The following DAPK2 variants were observed in gnomAD, a reference collection of about 807,000 sequenced individuals.
DAPK2 encodes death-associated protein kinase 2.
A neutral mutation model predicts 44.1 loss-of-function variants in DAPK2; 35 were observed. That is an observed-to-expected ratio of 0.79 (90% CI 0.61 to 1.05). The LOEUF (loss-of-function observed/expected upper bound fraction) is 1.05, where lower values mean the gene tolerates loss of function less well. Ranked by LOEUF, DAPK2 falls within the 50% of genes least tolerant of loss-of-function variation. DAPK2 has a pLI of 0.00. For synonymous variants in DAPK2, 174 were observed against 182.6 expected (o/e 0.95, Z 0.38); for missense variants, 453 against 483.2 (o/e 0.94, Z 0.59).
chr15:64,000,391 C>G (rs540215293), intron 1 of DAPK2, among the ~76,000 whole-genome samples: 1 of 152,130 alleles, frequency 6.6e-6, no homozygotes, highest in East Asian at 1.9e-4. Flanking sequence ...GTCCCCACAC[C>G]CAGACTCCTG....
intron 1 of DAPK2, among the ~76,000 whole-genome samples, chr15:64,023,453 A>C (rs1359613121): frequency 6.6e-6 from 1 of 152,204 alleles, no homozygotes; most frequent in African/African-American, 2.4e-5. Context: ...TCCCAGCAGG[A>C]GTCTAACATG....
At chr15:64,044,548 C>G (rs2080416917), upstream of DAPK2, among the ~76,000 whole-genome samples, 2 of 152,146 alleles carry the variant, frequency 1.3e-5, no homozygotes, top group Admixed American at 1.3e-4. Context: ...AAGGGACTCA[C>G]TGAGCATCAT....
At chr15:63,969,912 C>G (rs1388113440) in intron 3 of DAPK2, among the ~76,000 whole-genome samples, 1 of 152,172 alleles carries the variant, frequency 6.6e-6, no homozygotes, top group Non-Finnish European at 1.5e-5. Context: ...ATGCCAGACC[C>G]TCTCTGGGCC....
intron 4 of DAPK2, among the ~76,000 whole-genome samples, chr15:63,936,430 G>A (rs2077151630): frequency 6.6e-6 from 1 of 152,174 alleles, no homozygotes; most frequent in Admixed American, 6.5e-5. Flanking sequence ...GGCCAACATG[G>A]TGAAACCCTG....
At chr15:63,921,766 G>C (rs938250954) in intron 8 of DAPK2, 85 of 152,344 alleles carry the variant, frequency 5.6e-4, no homozygotes, top group African/African-American at 1.9e-3. Context: ...CACAGAGTTG[G>C]GGCCGTTAGC....
chr15:64,040,600 G>T (rs1030196750), upstream of DAPK2, among the ~76,000 whole-genome samples: 2 of 151,968 alleles, frequency 1.3e-5, no homozygotes, highest in Non-Finnish European at 2.9e-5. Context: ...GCAAAAAGAG[G>T]CAGCTGTTGT....
chr15:64,026,001 A>T (rs2079831653), intron 1 of DAPK2, among the ~76,000 whole-genome samples: 1 of 152,180 alleles, frequency 6.6e-6, no homozygotes, highest in Non-Finnish European at 1.5e-5. Context: ...GTAGGGCTAT[A>T]GTTTTCTGTG....
intron 1 of DAPK2, among the ~76,000 whole-genome samples, chr15:64,008,526 A>G (rs1220046010): frequency 6.6e-6 from 1 of 152,234 alleles, no homozygotes; most frequent in Non-Finnish European, 1.5e-5. Flanking sequence ...AGACAAGAAA[A>G]AGCTGGAAAC....
intron 1 of DAPK2, among the ~76,000 whole-genome samples, chr15:64,006,887 G>C (rs2140998221): frequency 6.6e-6 from 1 of 152,250 alleles, no homozygotes; most frequent in South Asian, 2.1e-4. Context: ...AGCCAAGAAG[G>C]AAGTAGACAT....
At position 63,908,614 on chromosome 15, in the gene DAPK2, A is replaced by G; in HGVS notation, c.1033-14T>C. ...CTCACAGTTCCTCTGGAGAAAAAAA[A>G]GAGAAAGAGGTCCAGGGCAGGAGGA... On this transcript the variant is annotated splice_polypyrimidine_tract_variant and intron_variant, in intron 10 of 10. Coordinates refer to ENST00000261891, the Ensembl canonical transcript of DAPK2. This position sits in a 1 kb window ranked among gnomAD's most constrained non-coding sequence, Gnocchi z 5.7. 1 of 1,583,362 alleles carries G rather than the reference A, an allele frequency of 6.3e-7. No homozygotes were observed. The highest frequency in any genetic ancestry group is 8.6e-7 in the Non-Finnish European group (1 of 1,167,136).
chr15:63,993,913 G>A (rs150634053), intron 1 of DAPK2, among the ~76,000 whole-genome samples: 4 of 152,020 alleles, frequency 2.6e-5, no homozygotes, highest in Admixed American at 6.6e-5. Context: ...AGACACACAC[G>A]GTGGTTTCTG....
chr15:63,944,690 G>A (rs1363424923), intron 3 of DAPK2, among the ~76,000 whole-genome samples: 3 of 152,146 alleles, frequency 2.0e-5, no homozygotes, highest in African/African-American at 7.2e-5. Context: ...AATCAGTGGG[G>A]AGCAGTGGGG....
chr15:63,954,008 T>A (rs1381441543), intron 3 of DAPK2, among the ~76,000 whole-genome samples: 1 of 152,206 alleles, frequency 6.6e-6, no homozygotes, highest in South Asian at 2.1e-4. Context: ...GATTATTAGA[T>A]TTTTTTCCTA....
At chr15:64,044,819 G>A (rs1295715227), upstream of DAPK2, among the ~76,000 whole-genome samples, 1 of 152,170 alleles carries the variant, frequency 6.6e-6, no homozygotes, top group Non-Finnish European at 1.5e-5. Flanking sequence ...AGTGAAACGG[G>A]ACCACAGCAA....
chr15:64,024,821 C>G (rs972056348), intron 1 of DAPK2, among the ~76,000 whole-genome samples: 1 of 152,194 alleles, frequency 6.6e-6, no homozygotes, highest in African/African-American at 2.4e-5. Context: ...CCCCAGGGTG[C>G]TAAATAAACC....
At chr15:63,959,997 GT>G (rs1454477996) in intron 3 of DAPK2, among the ~76,000 whole-genome samples, 2 of 152,134 alleles carry the variant, frequency 1.3e-5, no homozygotes, top group African/African-American at 4.8e-5. Flanking sequence ...ACATTTTTTG[GT>G]TGGTAGGCTA....
intron 3 of DAPK2, among the ~76,000 whole-genome samples, chr15:63,952,010 C>A (rs894599599): frequency 6.6e-6 from 1 of 152,106 alleles, no homozygotes; most frequent in East Asian, 1.9e-4. Context: ...TAGGCTGAGG[C>A]GGGCGGATCA....
chr15:63,979,765 A>T (rs1342401992), intron 2 of DAPK2, among the ~76,000 whole-genome samples: 1 of 152,026 alleles, frequency 6.6e-6, no homozygotes, highest in Non-Finnish European at 1.5e-5. Flanking sequence ...ATACAAAAAA[A>T]ATTAGCCAGG....
At position 63,966,927 on chromosome 15, in the gene DAPK2, T is replaced by G. The variant is rs1334863138; in HGVS notation, c.453+4496A>C. ...CGGGCGCAGTGGCTCACACCTGTAATCCCAGCACTTTGGGAGGCCGAGGTG... is the reference window on the plus strand; with the variant it reads ...CGGGCGCAGTGGCTCACACCTGTAAGCCCAGCACTTTGGGAGGCCGAGGTG... On this transcript the variant is annotated intron_variant, in intron 3 of 10. Coordinates refer to ENST00000261891, the Ensembl canonical transcript of DAPK2. The surrounding 1 kb of genome is among the most constrained non-coding windows in gnomAD (Gnocchi z 5.5). 6.6e-6 allele frequency among the ~76,000 whole-genome samples: 1 copy of G among 152,140 alleles called. No individual in the cohort carries two copies. The highest frequency in any genetic ancestry group is 1.5e-5 in the Non-Finnish European group (1 of 68,020).
Sources: gnomAD v4.1 joint callset for allele counts (sites outside exome capture counted in the v4.1 genomes callset) on GRCh38, gnomAD v4.1.1 for gene constraint, Gnocchi (gnomAD v3.1) non-coding constraint, MANE v1.5 for transcripts, NCBI Gene and HGNC (gene_info 2026-07-23, HGNC 2026-07-21) for gene names.